The following CEP192 variants were observed in gnomAD, a reference collection of about 807,000 sequenced individuals.
The protein encoded by CEP192 is centrosomal protein of 192 kDa.
Under a neutral mutation model 271.8 loss-of-function variants are expected in CEP192, and 151 were observed. The observed-to-expected ratio is 0.56, with a 90% confidence interval of 0.49 to 0.64. The LOEUF is 0.64. Among genes scored for constraint, CEP192 ranks in the 30% least tolerant of loss-of-function variants. The probability of loss-of-function intolerance (pLI) is 0.00; values close to 1 mark genes in which losing one functional copy is unlikely to be tolerated. For synonymous variants in CEP192, 995 were observed against 1,076.5 expected (o/e 0.92, Z 1.48); for missense variants, 2,910 against 3,020.5 (o/e 0.96, Z 0.86).
rs1343595183 is a variant in CEP192 at position 13,008,335 on chromosome 18, CT to C, written c.291-116del. 25 of 707,156 alleles carry C rather than the reference CT, an allele frequency of 3.5e-5. No homozygotes were observed. The African/African-American group carries it at 3.8e-4, about 11-fold the overall frequency. 43.8% of individuals were successfully genotyped at this position (707,156 alleles called of 1,614,324 possible). On this transcript the variant is annotated intron_variant, in intron 3 of 44. Coordinates refer to ENST00000506447, the MANE Select transcript of CEP192 (RefSeq NM_032142.4). ...GTTTTCTGGCTAGACTCAAATGTTT[CT>C]TTTTATTGCTTCCATTTTTTCTTTT...
intron 6 of CEP192, 133 bp from the exon 7 acceptor site, chr18:13,017,055 T>C: frequency 1.6e-6 from 1 of 625,448 alleles, no homozygotes; most frequent in South Asian, 2.2e-5. Flanking sequence ...AATAGTTTTC[T>C]CATGTCAAAC....
At chr18:13,079,324 C>T (rs1185961094) in intron 30 of CEP192, among the ~76,000 whole-genome samples, 1 of 152,192 alleles carries the variant, frequency 6.6e-6, no homozygotes, top group African/African-American at 2.4e-5. Context: ...TAATGATCAC[C>T]ATTCTGACTG....
At chr18:13,027,289 C>A (rs564790796) in intron 9 of CEP192, among the ~76,000 whole-genome samples, 2 of 152,236 alleles carry the variant, frequency 1.3e-5, no homozygotes. Flanking sequence ...TTCAAAATTA[C>A]CCCTTTCTCC....
chr18:13,042,371 CTTG>C (rs752566240), intron 15 of CEP192, 37 bp downstream of exon 15: 93 of 1,608,088 alleles, frequency 5.8e-5, no homozygotes, highest in Admixed American at 2.0e-4. Flanking sequence ...CTAAGATTAT[CTTG>C]TTGTAGTTCT....
At chr18:13,055,696 T>G (rs1469773838) in intron 18 of CEP192, 84 bp from the exon 19 acceptor site, 1 of 969,854 alleles carries the variant, frequency 1.0e-6, no homozygotes, top group African/African-American at 1.6e-5. Flanking sequence ...CATCTCTTTG[T>G]TACTTGAGCT....
In CEP192 at chr18:13,124,447, G is replaced by A. The variant is rs139296676; in HGVS notation, c.7476-185G>A. The A allele has an allele frequency of 2.4e-3, 1,197 of 493,050 alleles. 17 individuals carry two copies. Among genetic ancestry groups the A allele is most frequent in the African/African-American group, 0.02 (1,068 of 52,764 alleles). 30.5% of individuals were successfully genotyped at this position (493,050 alleles called of 1,614,324 possible). On this transcript the variant is annotated intron_variant, in intron 44 of 44. Coordinates refer to ENST00000506447, the MANE Select transcript of CEP192 (RefSeq NM_032142.4). ...CAATACTGTTTTAATCCAATTTTAC[G>A]TTTTTCTCTCCTTTGTGTTATTTTC...
chr18:13,003,974 GAGTT>G (rs1377774720), intron 3 of CEP192, among the ~76,000 whole-genome samples: 3 of 152,172 alleles, frequency 2.0e-5, no homozygotes, highest in African/African-American at 7.2e-5. Flanking sequence ...GCGAGATTAA[GAGTT>G]AGTGATCAGA....
rs1286148987 is a variant in CEP192, at chr18:13,095,600, C to T, written c.6352C>T (p.Arg2118Cys). The T allele has an allele frequency of 9.9e-6, 16 of 1,614,052 alleles. No homozygotes were observed. The highest frequency in any genetic ancestry group is 1.7e-5 in the Admixed American group (1 of 60,014). Residue 2118 changes from arginine (R) to cysteine (C), a missense_variant, in exon 35 of 45, where the codon CGC (arginine) becomes TGC (cysteine). By Grantham distance (180) the Arg-to-Cys change is radical. Transcript: ENST00000506447. ...QGSPLLSRAA[R>C]PPLDQLASEE... ...TTCTCCTCTTCTCTCACGGGCGGCT[C>T]GCCCGCCTCTGGATCAGCTGGCCTC...
intron 9 of CEP192, chr18:13,024,193 G>A: frequency 2.6e-6 from 1 of 382,544 alleles, no homozygotes; most frequent in South Asian, 2.0e-5. Flanking sequence ...ACACGTTAAG[G>A]ATGGTTATGT....
At position 13,038,315 on chromosome 18, in the gene CEP192, C is replaced by A. The variant is rs1226275001; in HGVS notation, c.1600-55C>A. 3.6e-6 allele frequency: 5 copies of A among 1,398,068 alleles called. No homozygotes were observed. In the East Asian group the frequency reaches 1.0e-4, roughly 28 times the overall value. The allele number at this position is 1,398,068 out of a possible 1,614,324, so 86.6% of individuals were successfully genotyped here. A position where few individuals can be genotyped will look rare whatever the true frequency, so the allele number is the denominator to read the frequency against. On this transcript the variant is annotated intron_variant, in intron 12 of 44. Coordinates refer to ENST00000506447, the MANE Select transcript of CEP192 (RefSeq NM_032142.4). ...CTTTTTTAGTTTTTGTATATTAGAA[C>A]AACAGAAAAGTGACTTGCTGGGGGA...
chr18:13,049,483 ACCTCAATTT>A lies in CEP192; in HGVS notation c.2695_2703del (p.Ser899_Ser901del). The A allele has an allele frequency of 1.2e-6, 2 of 1,614,124 alleles. No individual in the cohort carries two copies. The highest frequency in any genetic ancestry group is 1.7e-6 in the Non-Finnish European group (2 of 1,180,010). On this transcript the variant is annotated inframe_deletion, in exon 16 of 45. Coordinates refer to ENST00000506447, the MANE Select transcript of CEP192 (RefSeq NM_032142.4). ...AGATGTTGGTAACGATGAAAAAGCTACCTCAATTTCCACTCCATCTGATAGTTATTCATC... is the reference window on the plus strand; with the variant it reads ...AGATGTTGGTAACGATGAAAAAGCTACCACTCCATCTGATAGTTATTCATC...
At chr18:13,061,283 A>T (rs1421118219) in intron 21 of CEP192, among the ~76,000 whole-genome samples, 1 of 152,214 alleles carries the variant, frequency 6.6e-6, no homozygotes, top group Non-Finnish European at 1.5e-5. Context: ...AAGTCACGCT[A>T]TTGCACTCCA....
chr18:13,101,021 C>T (rs2039678996), intron 38 of CEP192, among the ~76,000 whole-genome samples: 1 of 152,118 alleles, frequency 6.6e-6, no homozygotes, highest in Non-Finnish European at 1.5e-5. Context: ...CATTTTTTGA[C>T]CTGGTGATGG....
rs955592063 is a variant in CEP192 at position 13,043,435 on chromosome 18, A to G, written c.2067+1101A>G. ...AATCAAATACCATGACATCGTGGGT[A>G]TATTTCTAGAGTCTCTCTTGTGCTT... On this transcript the variant is annotated intron_variant, in intron 15 of 44. Coordinates refer to ENST00000506447, the MANE Select transcript of CEP192 (RefSeq NM_032142.4). 3.9e-5 allele frequency among the ~76,000 whole-genome samples: 6 copies of G among 152,270 alleles called. No individual in the cohort carries two copies. The East Asian group carries it at 1.2e-3, about 29-fold the overall frequency.
At chr18:13,038,343 G>T in intron 12 of CEP192, 27 bp from the exon 13 acceptor site, 1 of 1,524,110 alleles carries the variant, frequency 6.6e-7, no homozygotes, top group Non-Finnish European at 8.9e-7. Context: ...CTGGGGGAAA[G>T]AAACGAAACA....
At chr18:13,076,807 A>C (rs535580580) in intron 30 of CEP192, among the ~76,000 whole-genome samples, 2 of 152,156 alleles carry the variant, frequency 1.3e-5, no homozygotes, top group African/African-American at 4.8e-5. Context: ...ATTTTGAGAC[A>C]TCATCTCACT....
intron 34 of CEP192, among the ~76,000 whole-genome samples, chr18:13,094,396 T>TG (rs1195025215): frequency 6.6e-6 from 1 of 152,234 alleles, no homozygotes; most frequent in Admixed American, 6.5e-5. Flanking sequence ...GGTTTGCTTT[T>TG]GGCCCTTTCA....
rs373557837 is a variant in CEP192, at chr18:13,050,982, C to T, written c.3017+1091C>T. The stretch of plus-strand genomic sequence containing the variant: ...GTATGTTTACAGTCTTTGGCTTACA[C>T]GTTTTTTCCCTTATGTTTCTTATAG... On this transcript the variant is annotated intron_variant, in intron 17 of 44. Coordinates refer to ENST00000506447, the MANE Select transcript of CEP192 (RefSeq NM_032142.4). 2.0e-4 allele frequency among the ~76,000 whole-genome samples: 30 copies of T among 152,298 alleles called. No individual in the cohort carries two copies. In the East Asian group the frequency reaches 3.3e-3, roughly 17 times the overall value.
At chr18:13,067,744 T>C in intron 21 of CEP192, 87 bp from the exon 22 acceptor site, 1 of 1,099,796 alleles carries the variant, frequency 9.1e-7, no homozygotes, top group Non-Finnish European at 1.3e-6. Context: ...TCATAATTTG[T>C]GGCTAGAAAT....
Sources: allele counts gnomAD v4.1 joint callset (sites outside exome capture counted in the v4.1 genomes callset), GRCh38; gene constraint gnomAD v4.1.1; transcripts MANE v1.5; gene names NCBI Gene and HGNC (gene_info 2026-07-23, HGNC 2026-07-21).